ELAVL2: variants seen among roughly 807,000 people sequenced by gnomAD.
ELAVL2 encodes the protein ELAV like RNA binding protein 2.
In ELAVL2, 4 loss-of-function variants were observed where a neutral mutation model predicts 34.6. The observed-to-expected ratio is 0.12, with a 90% CI of 0.06 to 0.26. The LOEUF (loss-of-function observed/expected upper bound fraction) is 0.26, where lower values mean the gene tolerates loss of function less well. Ranked by LOEUF, ELAVL2 falls within the 10% of genes least tolerant of loss-of-function variation. ELAVL2 has a pLI of 1.00. For synonymous variants in ELAVL2, 193 were observed against 154.8 expected, an observed-to-expected ratio of 1.25 and a Z score of -1.83; for missense variants, 432 against 442.8, an observed-to-expected ratio of 0.98 and a Z score of 0.22.
the ELAVL2 span, among the ~76,000 whole-genome samples, chr9:23,843,256 T>C: frequency 6.6e-6 from 1 of 152,082 alleles, no homozygotes. Flanking sequence ...ATAATACTTA[T>C]AACAATGTTG....
At chr9:23,755,215 G>A (rs1297203480) in intron 2 of ELAVL2, among the ~76,000 whole-genome samples, 2 of 152,102 alleles carry the variant, frequency 1.3e-5, no homozygotes, top group African/African-American at 4.8e-5. Context: ...AACAAAAGAG[G>A]ACAGAAGTTG....
intron 3 of ELAVL2, among the ~76,000 whole-genome samples, chr9:23,706,883 A>T (rs567599647): frequency 2.0e-5 from 3 of 152,304 alleles, no homozygotes; most frequent in African/African-American, 7.2e-5. Flanking sequence ...CACATTTTAT[A>T]CTACTTTATA....
At chr9:23,717,700 C>G (rs536890553) in intron 3 of ELAVL2, among the ~76,000 whole-genome samples, 1 of 152,304 alleles carries the variant, frequency 6.6e-6, no homozygotes, top group African/African-American at 2.4e-5. Flanking sequence ...TCATTGTATT[C>G]TGCACTTACT....
chr9:23,786,801 AAAG>A (rs1231546201), intron 1 of ELAVL2, among the ~76,000 whole-genome samples: 3 of 148,572 alleles, frequency 2.0e-5, no homozygotes, highest in Non-Finnish European at 4.5e-5. Flanking sequence ...AAAAAAAAAA[AAAG>A]AGAGAGAGAG....
At chr9:23,784,070 C>A (rs570585174) in intron 1 of ELAVL2, among the ~76,000 whole-genome samples, 1 of 151,938 alleles carries the variant, frequency 6.6e-6, no homozygotes, top group Non-Finnish European at 1.5e-5. Context: ...TGGTGGCGGG[C>A]GCCTGTAATC....
At chr9:23,724,073 A>C (rs1262056366) in intron 3 of ELAVL2, among the ~76,000 whole-genome samples, 2 of 152,342 alleles carry the variant, frequency 1.3e-5, no homozygotes, top group East Asian at 3.9e-4. Context: ...TTTCTGGTAT[A>C]GACCATACTT....
intron 1 of ELAVL2, among the ~76,000 whole-genome samples, chr9:23,795,541 T>A (rs1564500073): frequency 6.6e-6 from 1 of 151,882 alleles, no homozygotes; most frequent in African/African-American, 2.4e-5. Flanking sequence ...CAAGACTCCA[T>A]CTCAAAAAAA....
At chr9:23,706,089 T>C (rs2039250814) in intron 3 of ELAVL2, among the ~76,000 whole-genome samples, 1 of 152,202 alleles carries the variant, frequency 6.6e-6, no homozygotes, top group South Asian at 2.1e-4. Context: ...TTGTCTGTTG[T>C]CTTCTCATCC....
chr9:23,811,078 C>G (rs1332166071), intron 1 of ELAVL2, among the ~76,000 whole-genome samples: 1 of 152,070 alleles, frequency 6.6e-6, no homozygotes, highest in Non-Finnish European at 1.5e-5. Flanking sequence ...AAAGGAAAAC[C>G]AAAACAGATG....
At chr9:23,710,148 T>C (rs1453496919) in intron 3 of ELAVL2, among the ~76,000 whole-genome samples, 1 of 152,168 alleles carries the variant, frequency 6.6e-6, no homozygotes, top group Non-Finnish European at 1.5e-5. Context: ...GTCTTGAAAA[T>C]GGAACCGTTT....
At chr9:23,746,043 G>A (rs1035613308) in intron 2 of ELAVL2, among the ~76,000 whole-genome samples, 4 of 151,916 alleles carry the variant, frequency 2.6e-5, no homozygotes, top group African/African-American at 9.7e-5. Context: ...GGGAGGATCG[G>A]TATCTTCACT....
intron 2 of ELAVL2, among the ~76,000 whole-genome samples, chr9:23,746,494 T>C (rs1198678039): frequency 1.3e-5 from 2 of 152,108 alleles, no homozygotes; most frequent in African/African-American, 2.4e-5. Flanking sequence ...AGTTAAGTAG[T>C]AGGAAGTAAA....
intron 1 of ELAVL2, among the ~76,000 whole-genome samples, chr9:23,769,901 G>C (rs1296672573): frequency 6.6e-6 from 1 of 152,184 alleles, no homozygotes; most frequent in African/African-American, 2.4e-5. Context: ...CAAAAGCTTT[G>C]AGGTTAGAGA....
intron 1 of ELAVL2, among the ~76,000 whole-genome samples, chr9:23,781,767 C>T (rs1299172497): frequency 2.0e-5 from 3 of 151,942 alleles, no homozygotes; most frequent in Non-Finnish European, 4.4e-5. Flanking sequence ...ATTCTCTGCT[C>T]ACCGCAAACT....
In ELAVL2 at chr9:23,823,764, C is replaced by A. The variant is rs191668816; in HGVS notation, c.-16+2042G>T. ...TTCTGTTCCCCAAAACACGAACACC[C>A]TTTTTCTGACCTTTAGAAACTGATT... is the stretch of plus-strand genomic sequence containing the variant. On this transcript the variant is annotated intron_variant, in intron 1 of 6. Coordinates refer to ENST00000397312, the MANE Select transcript of ELAVL2 (RefSeq NM_004432.5). Among the ~76,000 whole-genome samples, 5 of 152,322 alleles carry A rather than the reference C, an allele frequency of 3.3e-5. No individual in the cohort carries two copies. In the East Asian group the frequency reaches 9.6e-4, roughly 29 times the overall value.
At chr9:23,774,690 A>C in intron 1 of ELAVL2, among the ~76,000 whole-genome samples, 1 of 123,544 alleles carries the variant, frequency 8.1e-6, no homozygotes. Flanking sequence ...CACATCTCCC[A>C]TCCTCTTTGA....
Position 23,692,427 on chromosome 9 carries a change from G to A in ELAVL2, c.*130C>T. The A allele has an allele frequency of 2.2e-6, 2 of 893,538 alleles. No individual in the cohort carries two copies. The highest frequency in any genetic ancestry group is 2.1e-5 in the South Asian group (1 of 47,722). The allele number at this position is 893,538 out of a possible 1,614,324, so 55.4% of individuals were successfully genotyped here. On this transcript the variant is annotated 3_prime_UTR_variant, in exon 7 of 7. Transcript: ENST00000397312. ...ATAAAAAATCTCACATATTTCTTAG[G>A]ATGCTAAGTAGTCATTTTATCCCCA...
rs539841225 is a variant in ELAVL2, at chr9:23,755,620, T to C, written c.229+6386A>G. 1.2e-4 allele frequency among the ~76,000 whole-genome samples: 19 copies of C among 152,326 alleles called. No individual in the cohort carries two copies. The South Asian group carries it at 3.7e-3, about 30-fold the overall frequency. On this transcript the variant is annotated intron_variant, in intron 2 of 6. Coordinates refer to ENST00000397312, the MANE Select transcript of ELAVL2 (RefSeq NM_004432.5). ...CAAACTTGACACAAATTTCATTTTA[T>C]ACAAACTTGGGCACTAAAATCTAAA...
intron 3 of ELAVL2, 81 bp from the exon 4 acceptor site, chr9:23,705,152 A>G (rs2038891543): frequency 3.3e-6 from 5 of 1,530,308 alleles, no homozygotes; most frequent in Admixed American, 3.6e-5. Flanking sequence ...CTGCCTCGGT[A>G]ACTTTCCCAT....
Sources: allele counts gnomAD v4.1 joint callset (sites outside exome capture counted in the v4.1 genomes callset), GRCh38; gene constraint gnomAD v4.1.1; transcripts MANE v1.5; gene names NCBI Gene and HGNC (gene_info 2026-07-23, HGNC 2026-07-21).